Variants in PARP12 observed in about 807,000 individuals in gnomAD.
The protein encoded by PARP12 is protein mono-ADP-ribosyltransferase PARP12.
Under a neutral mutation model 72.4 loss-of-function variants are expected in PARP12, and 59 were observed. That is an observed-to-expected ratio of 0.81 (90% confidence interval 0.66 to 1.01). PARP12 has a LOEUF of 1.01. Among genes scored for constraint, PARP12 ranks in the 50% least tolerant of loss-of-function variants. PARP12 has a pLI of 0.00. For missense variants in PARP12, 851 were observed against 914.0 expected (o/e 0.93, Z 0.89); for synonymous variants, 403 against 371.4 (o/e 1.09, Z -0.98).
intron 8 of PARP12, 189 bp downstream of exon 8, chr7:140,034,046 G>C: frequency 8.0e-7 from 1 of 1,256,144 alleles, no homozygotes; most frequent in South Asian, 2.0e-5. Flanking sequence ...GCATCACGAA[G>C]CTTCTACCCA....
chr7:140,028,597 C>A lies in PARP12; in HGVS notation c.1497+16G>T. 2 of 1,568,166 alleles carry A rather than the reference C, an allele frequency of 1.3e-6. No individual in the cohort carries two copies. The highest frequency in any genetic ancestry group is 1.7e-6 in the Non-Finnish European group (2 of 1,154,752). On this transcript the variant is annotated intron_variant, in intron 9 of 11. Transcript: ENST00000263549. ...GAACACCTTCCTGTCCAGCCCCAGG[C>A]GCATGCGTCCCCTACCTGAAAGCCT...
chr7:140,059,008 T>C (rs1449188902), intron 1 of PARP12, among the ~76,000 whole-genome samples: 1 of 151,016 alleles, frequency 6.6e-6, no homozygotes, highest in East Asian at 2.0e-4. Context: ...GGCAGGACAA[T>C]CGCTTGAACC....
chr7:140,027,644 G>A lies in PARP12; in HGVS notation c.1498-238C>T, dbSNP rs564087169. On this transcript the variant is annotated intron_variant, in intron 9 of 11. Transcript: ENST00000263549. Reference sequence around the variant, plus strand: ...AACAACAAACCTCTTGTTTATGTCAGTTAGCATATGGGAAATTGGTTTCGT... The same window carrying A: ...AACAACAAACCTCTTGTTTATGTCAATTAGCATATGGGAAATTGGTTTCGT... 8 of 357,862 alleles carry A rather than the reference G, an allele frequency of 2.2e-5. No homozygotes were observed. The East Asian group carries it at 4.3e-4, about 19-fold the overall frequency. 22.2% of individuals were successfully genotyped at this position (357,862 alleles called of 1,614,324 possible).
At chr7:140,050,755 T>A (rs1352180556) in intron 4 of PARP12, among the ~76,000 whole-genome samples, 2 of 151,982 alleles carry the variant, frequency 1.3e-5, no homozygotes, top group Non-Finnish European at 2.9e-5. Flanking sequence ...GAGAAAACAT[T>A]CTGTAGGCTT....
chr7:140,062,684 G>C lies in PARP12; in HGVS notation c.164C>G (p.Ala55Gly). The change falls in exon 1 of 12, where the codon GCG (alanine) becomes GGG (glycine). Residue 55 changes from alanine to glycine, a missense_variant. Ala to Gly is a moderately conservative substitution (Grantham distance 60). Coordinates refer to ENST00000263549, the MANE Select transcript of PARP12 (RefSeq NM_022750.4). ...CTCCGGGGCCGCGGCTGCGCCGCCC[G>C]CCCGCACCGCCACCACGAAGCGCCC... is the stretch of plus-strand genomic sequence containing the variant. ...QRGRFVVAVR[A>G]GGAAAAPERV... 7.8e-7 allele frequency: 1 copy of C among 1,283,610 alleles called. No individual in the cohort carries two copies. Among genetic ancestry groups the C allele is most frequent in the South Asian group, 2.3e-5 (1 of 44,280 alleles). 79.5% of individuals were successfully genotyped at this position (1,283,610 alleles called of 1,614,324 possible). A position where few individuals can be genotyped will look rare whatever the true frequency, so the allele number is the denominator to read the frequency against.
rs375592784 is a variant in PARP12, at chr7:140,047,175, C to A, written c.863-168G>T. On this transcript the variant is annotated intron_variant, in intron 4 of 11. Transcript: ENST00000263549. ...ATGCCTGAGCATTTAGATACAGAAACACTTTTTGCATTTTATTATATACAT... is the reference window on the plus strand; with the variant it reads ...ATGCCTGAGCATTTAGATACAGAAAAACTTTTTGCATTTTATTATATACAT... 4.1e-4 allele frequency among the ~76,000 whole-genome samples: 62 copies of A among 152,278 alleles called. 1 individual carries two copies. Among genetic ancestry groups the A allele is most frequent in the African/African-American group, 1.2e-3 (51 of 41,546 alleles).
chr7:140,047,067 G>T, intron 4 of PARP12, 60 bp from the exon 5 acceptor site: 2 of 1,535,814 alleles, frequency 1.3e-6, no homozygotes, highest in Non-Finnish European at 1.8e-6. Context: ...CCCTAGCCTT[G>T]TGGTTGTCAA....
intron 8 of PARP12, among the ~76,000 whole-genome samples, chr7:140,029,784 T>G (rs1474900787): frequency 6.6e-6 from 1 of 152,218 alleles, no homozygotes; most frequent in Non-Finnish European, 1.5e-5. Flanking sequence ...ACAGGCTTAA[T>G]AGCAGATTAG....
intron 11 of PARP12, 102 bp downstream of exon 11, chr7:140,026,095 G>C: frequency 1.3e-6 from 2 of 1,543,496 alleles, no homozygotes; most frequent in Non-Finnish European, 1.8e-6. Context: ...GTCTGAACCT[G>C]CTCATCAGCT....
Position 140,026,337 on chromosome 7 carries a change from T to C in PARP12, c.1640A>G (p.Gln547Arg). ...LWEVYQWQKG[Q>R]MQKQNGGKAV... Reference sequence around the variant, plus strand: ...CTTCCCTCCGTTCTGCTTCTGCATCTGTCCTTTTTGCCTAGAATCACAGAA... The same window carrying C: ...CTTCCCTCCGTTCTGCTTCTGCATCCGTCCTTTTTGCCTAGAATCACAGAA... Residue 547 changes from glutamine (Q) to arginine (R), a missense_variant, in exon 11 of 12, where the codon CAG (glutamine) becomes CGG (arginine). Physicochemically the swap from Gln to Arg is conservative, Grantham distance 43. This residue lies in a region of PARP12 where 347 missense variants were observed against 396.1 expected (regional missense o/e 0.88). Transcript: ENST00000263549. The C allele has an allele frequency of 6.2e-7, 1 of 1,610,258 alleles. No individual in the cohort carries two copies. Among genetic ancestry groups the C allele is most frequent in the Non-Finnish European group, 8.5e-7 (1 of 1,179,448 alleles).
chr7:140,040,600 T>C (rs1361918384), intron 6 of PARP12, among the ~76,000 whole-genome samples: 1 of 152,214 alleles, frequency 6.6e-6, no homozygotes, highest in Non-Finnish European at 1.5e-5. Flanking sequence ...CAAAAGTCCC[T>C]GCCCTCATGG....
At position 140,041,808 on chromosome 7, in the gene PARP12, G is replaced by A. The variant is rs1816485002; in HGVS notation, c.1018C>T (p.His340Tyr). ...GCGTTAAAGTTCAGACAATGAGAGT[G>A]AAAGGTACTGGCTGACTCAGAGCAC... ...ILCSESASTF[H>Y]SHCLNFNAMT... is the part of the protein sequence containing the mutation. The change falls in exon 6 of 12, where the codon CAC (histidine) becomes TAC (tyrosine). Residue 340 changes from histidine (H) to tyrosine (Y), a missense_variant. Physicochemically the swap from His to Tyr is moderately conservative, Grantham distance 83. This residue lies in a region of PARP12 where 492 missense variants were observed against 489.3 expected (regional missense o/e 1.01). Transcript: ENST00000263549. 1 of 1,614,044 alleles carries A rather than the reference G, an allele frequency of 6.2e-7. No individual in the cohort carries two copies. Among genetic ancestry groups the A allele is most frequent in the Non-Finnish European group, 8.5e-7 (1 of 1,179,970 alleles).
At chr7:140,044,066 T>C (rs1049621410) in intron 5 of PARP12, among the ~76,000 whole-genome samples, 62 of 152,324 alleles carry the variant, frequency 4.1e-4, no homozygotes, top group African/African-American at 1.2e-3. Context: ...AGATCATGGC[T>C]GAGGAAATCA....
In PARP12 at chr7:140,046,766, GAAGCCCAGGCACCTCCAGA is replaced by G; in HGVS notation, c.986+99_986+117del. 2 of 1,074,430 alleles carry G rather than the reference GAAGCCCAGGCACCTCCAGA, an allele frequency of 1.9e-6. 1 individual carries two copies. Among genetic ancestry groups the G allele is most frequent in the Non-Finnish European group, 2.6e-6 (2 of 756,824 alleles). 66.6% of individuals were successfully genotyped at this position (1,074,430 alleles called of 1,614,324 possible). A position where few individuals can be genotyped will look rare whatever the true frequency, so the allele number is the denominator to read the frequency against. On this transcript the variant is annotated intron_variant, in intron 5 of 11. Transcript: ENST00000263549. ...TGTGTGTGTGTGTGTGTCACACACAGAAGCCCAGGCACCTCCAGACTAGGCTGCTCACAGTGTGTGTGTG... is the reference window on the plus strand; with the variant it reads ...TGTGTGTGTGTGTGTGTCACACACAGCTAGGCTGCTCACAGTGTGTGTGTG...
At chr7:140,034,017 C>T (rs1816044318) in intron 8 of PARP12, 5 of 1,188,932 alleles carry the variant, frequency 4.2e-6, no homozygotes, top group Non-Finnish European at 5.2e-6. Flanking sequence ...CAGATCACAA[C>T]AGGCAGCCTT....
chr7:140,038,887 A>G (rs1816332383), intron 6 of PARP12, among the ~76,000 whole-genome samples: 1 of 152,172 alleles, frequency 6.6e-6, no homozygotes, highest in Admixed American at 6.5e-5. Context: ...AAGTACCCAG[A>G]TATTTCAAAG....
intron 7 of PARP12, 191 bp from the exon 8 acceptor site, chr7:140,034,522 G>A (rs1185272544): frequency 2.3e-6 from 1 of 431,188 alleles, no homozygotes. Context: ...GTATCCTTAG[G>A]AGACTGGGTT....
At chr7:140,037,663 G>T in intron 7 of PARP12, 52 bp downstream of exon 7, 1 of 1,602,764 alleles carries the variant, frequency 6.2e-7, no homozygotes, top group South Asian at 1.1e-5. Flanking sequence ...AAGGTGTAGG[G>T]ACAGAGCCAA....
intron 3 of PARP12, 85 bp downstream of exon 3, chr7:140,056,771 T>C (rs1585115051): frequency 1.5e-6 from 2 of 1,370,914 alleles, no homozygotes; most frequent in East Asian, 4.6e-5. Flanking sequence ...ACACATTCCA[T>C]GTAATGGCTA....
Sources: allele counts gnomAD v4.1 joint callset (sites outside exome capture counted in the v4.1 genomes callset), GRCh38; gene constraint gnomAD v4.1.1; regional missense constraint gnomAD v4.1.1; transcripts MANE v1.5; gene names NCBI Gene and HGNC (gene_info 2026-07-23, HGNC 2026-07-21).